Variants in ADGRL2 observed in about 807,000 individuals in gnomAD.
The protein encoded by ADGRL2 is adhesion G protein-coupled receptor L2.
ADGRL2 carries 44 observed loss-of-function variants against 157.4 expected under a neutral mutation model. The ratio of observed to expected loss-of-function variants is 0.28; its 90% confidence interval spans 0.22 to 0.36. The LOEUF is 0.36. Ranked by LOEUF, ADGRL2 falls within the 10% of genes least tolerant of loss-of-function variation. The pLI, the probability that ADGRL2 is intolerant of heterozygous loss-of-function variation, is 1.00. For missense variants in ADGRL2, 1,510 were observed against 1,768.9 expected, an observed-to-expected ratio of 0.85 and a Z score of 2.63; for synonymous variants, 585 against 624.7, an observed-to-expected ratio of 0.94 and a Z score of 0.95.
intron 2 of ADGRL2, among the ~76,000 whole-genome samples, chr1:81,856,131 G>T (rs1356265318): frequency 1.3e-5 from 2 of 152,114 alleles, no homozygotes; most frequent in Non-Finnish European, 2.9e-5. Context: ...GAAGCAGCAG[G>T]TGCTTCTGGG....
At chr1:81,673,590 C>T (rs767854029) in intron 3 of ADGRL2, among the ~76,000 whole-genome samples, 16 of 146,768 alleles carry the variant, frequency 1.1e-4, no homozygotes, top group Non-Finnish European at 2.1e-4. Context: ...TCTCGGCTCA[C>T]TGCAAGCTCT....
intron 2 of ADGRL2, among the ~76,000 whole-genome samples, chr1:81,489,666 ATAAT>A (rs1315458977): frequency 6.6e-6 from 1 of 152,226 alleles, no homozygotes; most frequent in Non-Finnish European, 1.5e-5. Context: ...AAGACACATA[ATAAT>A]TAAACTTTTG....
At chr1:81,727,656 C>T (rs1207357705) in intron 1 of ADGRL2, among the ~76,000 whole-genome samples, 1 of 152,110 alleles carries the variant, frequency 6.6e-6, no homozygotes, top group Non-Finnish European at 1.5e-5. Flanking sequence ...TGGTCTTGAT[C>T]TCCTGACCTC....
At chr1:81,765,588 TATTG>T (rs2149324536) in intron 2 of ADGRL2, among the ~76,000 whole-genome samples, 1 of 152,166 alleles carries the variant, frequency 6.6e-6, no homozygotes, top group African/African-American at 2.4e-5. Flanking sequence ...TTTTCTAAGA[TATTG>T]ATGAGAAAAT....
intron 3 of ADGRL2, among the ~76,000 whole-genome samples, chr1:81,685,535 A>G (rs1164387654): frequency 6.6e-6 from 1 of 152,104 alleles, no homozygotes; most frequent in Non-Finnish European, 1.5e-5. Context: ...AGCTTTCTGG[A>G]GGAGTCTTTA....
chr1:81,308,998 T>C lies in ADGRL2; in HGVS notation c.-302+2489T>C, dbSNP rs1045693995. 3.3e-5 allele frequency among the ~76,000 whole-genome samples: 5 copies of C among 152,148 alleles called. 1 individual carries two copies. Among genetic ancestry groups the C allele is most frequent in the African/African-American group, 7.2e-5 (3 of 41,452 alleles). ...TACCATGTTGTTATTCCCACCTGGC[T>C]CTTTGCTGCTGCTTTTACTGAGTAC... On this transcript the variant is annotated intron_variant, in intron 1 of 24. Transcript: ENST00000370721.
intron 3 of ADGRL2, among the ~76,000 whole-genome samples, chr1:81,611,972 T>C (rs1039019011): frequency 1.3e-5 from 2 of 152,146 alleles, no homozygotes; most frequent in Non-Finnish European, 2.9e-5. Context: ...CCATATAAGA[T>C]GTGCCTTTCT....
Position 81,865,251 on chromosome 1 carries a change from A to T in ADGRL2, c.73+28194A>T, listed in dbSNP as rs929938792. Among the ~76,000 whole-genome samples, 6 of 152,290 alleles carry T rather than the reference A, an allele frequency of 3.9e-5. No individual in the cohort carries two copies. In the East Asian group the frequency reaches 1.2e-3, roughly 29 times the overall value. ...CTAACTGTTGACAAAGCTAGTTGTG[A>T]CACTGGCCAACATTTTCTTTATTGA... On this transcript the variant is annotated intron_variant, in intron 2 of 23. Transcript: ENST00000686636.
chr1:81,351,413 G>T (rs1031102052), intron 1 of ADGRL2, among the ~76,000 whole-genome samples: 1 of 152,064 alleles, frequency 6.6e-6, no homozygotes, highest in African/African-American at 2.4e-5. Flanking sequence ...ACCCCGTGAT[G>T]AAAATAAGTC....
chr1:81,762,471 T>C (rs1285594393), intron 2 of ADGRL2, among the ~76,000 whole-genome samples: 1 of 152,150 alleles, frequency 6.6e-6, no homozygotes, highest in Non-Finnish European at 1.5e-5. Context: ...TCTTTACAAT[T>C]CAAATACTAA....
chr1:81,594,566 A>G (rs1249150274), intron 3 of ADGRL2, among the ~76,000 whole-genome samples: 1 of 152,208 alleles, frequency 6.6e-6, no homozygotes, highest in Non-Finnish European at 1.5e-5. Flanking sequence ...TGGGATTTTT[A>G]AAAACATTTA....
intron 3 of ADGRL2, among the ~76,000 whole-genome samples, chr1:81,607,018 A>C (rs777383831): frequency 1.3e-5 from 2 of 152,220 alleles, no homozygotes; most frequent in Non-Finnish European, 2.9e-5. Flanking sequence ...TTCAGAACTC[A>C]AGATCTCTTC....
At chr1:81,352,361 C>T (rs1662960487) in intron 1 of ADGRL2, among the ~76,000 whole-genome samples, 1 of 152,178 alleles carries the variant, frequency 6.6e-6, no homozygotes, top group African/African-American at 2.4e-5. Context: ...TGACACAAAA[C>T]CCAGCAAAAT....
intron 1 of ADGRL2, among the ~76,000 whole-genome samples, chr1:81,317,632 G>T (rs1373013506): frequency 6.6e-6 from 1 of 152,174 alleles, no homozygotes; most frequent in African/African-American, 2.4e-5. Context: ...AGTAAAGAGT[G>T]TTAGGGTTTA....
intron 3 of ADGRL2, among the ~76,000 whole-genome samples, chr1:81,611,568 T>G (rs2148670684): frequency 6.6e-6 from 1 of 152,324 alleles, no homozygotes; most frequent in East Asian, 1.9e-4. Context: ...CTATGTATAA[T>G]TACCAATTTT....
chr1:81,442,431 T>C (rs2077524592), intron 1 of ADGRL2, among the ~76,000 whole-genome samples: 1 of 152,230 alleles, frequency 6.6e-6, no homozygotes, highest in African/African-American at 2.4e-5. Context: ...TTACATCTAT[T>C]ACCTAATCAT....
At chr1:81,803,801 G>A (rs372289543) in intron 1 of ADGRL2, among the ~76,000 whole-genome samples, 1 of 152,158 alleles carries the variant, frequency 6.6e-6, no homozygotes, top group South Asian at 2.1e-4. Flanking sequence ...TTCAGTACGT[G>A]CACTTCTCTT....
chr1:81,385,666 A>G (rs1570796174), intron 1 of ADGRL2, among the ~76,000 whole-genome samples: 1 of 152,230 alleles, frequency 6.6e-6, no homozygotes, highest in Non-Finnish European at 1.5e-5. Context: ...AGAAAGCTAT[A>G]GTGATCATTT....
At chr1:81,812,177 C>T (rs906125970) in intron 1 of ADGRL2, among the ~76,000 whole-genome samples, 5 of 151,712 alleles carry the variant, frequency 3.3e-5, no homozygotes, top group African/African-American at 4.8e-5. Context: ...TAACTGCCCA[C>T]GTTTCAAATA....
Sources: gnomAD v4.1 joint callset for allele counts (sites outside exome capture counted in the v4.1 genomes callset) on GRCh38, gnomAD v4.1.1 for gene constraint, MANE v1.5 for transcripts, NCBI Gene and HGNC (gene_info 2026-07-23, HGNC 2026-07-21) for gene names.